The following RNF150 variants were observed in gnomAD, a reference collection of about 807,000 sequenced individuals.
RNF150 encodes the protein ring finger protein 150.
In RNF150, 24 loss-of-function variants were observed where a neutral mutation model predicts 39.3. That is an observed-to-expected ratio of 0.61 (90% confidence interval 0.44 to 0.86). The LOEUF (loss-of-function observed/expected upper bound fraction) is 0.86. Among genes scored for constraint, RNF150 ranks in the 40% least tolerant of loss-of-function variants. RNF150 has a pLI of 0.00. For synonymous variants in RNF150, 255 were observed against 227.3 expected, an observed-to-expected ratio of 1.12 and a Z score of -1.10; for missense variants, 502 against 587.8, an observed-to-expected ratio of 0.85 and a Z score of 1.51.
intron 1 of RNF150, among the ~76,000 whole-genome samples, chr4:141,072,275 T>A (rs1216252136): frequency 2.6e-5 from 4 of 152,196 alleles, no homozygotes; most frequent in Non-Finnish European, 5.9e-5. Flanking sequence ...CACTAACCAA[T>A]CTTCTACCCA....
chr4:141,082,613 G>C lies in RNF150; in HGVS notation c.484+49712C>G, dbSNP rs145117536. Among the ~76,000 whole-genome samples the C allele has an allele frequency of 1.0e-3, 154 of 151,780 alleles. 3 individuals carry two copies. In the East Asian group the frequency reaches 0.022, roughly 22 times the overall value. On this transcript the variant is annotated intron_variant, in intron 1 of 6. Coordinates refer to ENST00000515673, the MANE Select transcript of RNF150 (RefSeq NM_020724.2). ...TATTTTTTATTTTTTTTTTGAGACG[G>C]AGTCTCGCTCTGTCGCCCAGGCTGG...
intron 1 of RNF150, among the ~76,000 whole-genome samples, chr4:141,072,254 A>C (rs1737735774): frequency 6.6e-6 from 1 of 152,192 alleles, no homozygotes; most frequent in African/African-American, 2.4e-5. Flanking sequence ...GAAAGGATGA[A>C]ATTTTGTGAC....
At chr4:140,993,121 A>G (rs1734253991) in intron 1 of RNF150, among the ~76,000 whole-genome samples, 1 of 152,192 alleles carries the variant, frequency 6.6e-6, no homozygotes, top group Non-Finnish European at 1.5e-5. Context: ...CCTGAAAACA[A>G]CACAAAATTA....
At chr4:140,875,541 G>T (rs1044474635) in intron 6 of RNF150, among the ~76,000 whole-genome samples, 4 of 152,038 alleles carry the variant, frequency 2.6e-5, no homozygotes, top group African/African-American at 9.7e-5. Flanking sequence ...GGGGCTGGGG[G>T]ATTAGGCATT....
At chr4:141,184,080 T>C (rs1027106693) in intron 1 of RNF150, among the ~76,000 whole-genome samples, 23 of 152,274 alleles carry the variant, frequency 1.5e-4, no homozygotes, top group South Asian at 1.2e-3. Flanking sequence ...AAGGAATTGC[T>C]ACACTGTCTT....
intron 6 of RNF150, among the ~76,000 whole-genome samples, chr4:140,870,428 T>C (rs184777040): frequency 6.6e-6 from 1 of 151,782 alleles, no homozygotes; most frequent in African/African-American, 2.4e-5. Context: ...TTGCTATATA[T>C]GATCTCCCAT....
intron 1 of RNF150, among the ~76,000 whole-genome samples, chr4:141,078,134 A>T (rs1737968712): frequency 6.6e-6 from 1 of 152,192 alleles, no homozygotes; most frequent in Non-Finnish European, 1.5e-5. Flanking sequence ...TGATGGCATA[A>T]ATTAATTCTC....
chr4:140,968,954 C>T (rs1012070848), intron 1 of RNF150, among the ~76,000 whole-genome samples: 2 of 152,014 alleles, frequency 1.3e-5, no homozygotes, highest in African/African-American at 4.8e-5. Context: ...AGAGGCCTCG[C>T]ATCCACATGG....
intron 1 of RNF150, among the ~76,000 whole-genome samples, chr4:141,076,458 ATTTAACCAGCCACTGTGGG>A (rs2110964944): frequency 6.6e-6 from 1 of 152,196 alleles, no homozygotes; most frequent in South Asian, 2.1e-4. Flanking sequence ...ATATGATCTG[ATTTAACCAGCCACTGTGGG>A]CCTGGCTCCC....
At chr4:141,210,606 G>C (rs1015458664) in intron 1 of RNF150, among the ~76,000 whole-genome samples, 11 of 151,880 alleles carry the variant, frequency 7.2e-5, no homozygotes, top group Admixed American at 3.9e-4. Context: ...TGTATTGGAA[G>C]GGATTTTTTA....
intron 1 of RNF150, among the ~76,000 whole-genome samples, chr4:141,071,478 AG>A (rs1347991428): frequency 6.6e-6 from 1 of 152,076 alleles, no homozygotes; most frequent in East Asian, 1.9e-4. Flanking sequence ...ACAAGAAAAA[AG>A]GAAATAGGAA....
intron 4 of RNF150, among the ~76,000 whole-genome samples, chr4:140,928,286 T>C (rs1359301169): frequency 8.5e-5 from 13 of 152,258 alleles, no homozygotes; most frequent in Admixed American, 5.2e-4. Context: ...CTGGGAGATT[T>C]ATCCTAGTTG....
At chr4:141,163,964 G>T (rs1727557015) in intron 1 of RNF150, among the ~76,000 whole-genome samples, 1 of 152,092 alleles carries the variant, frequency 6.6e-6, no homozygotes, top group African/African-American at 2.4e-5. Context: ...TTGACGAATT[G>T]ACAGCAGTAG....
chr4:140,967,596 A>C, intron 2 of RNF150, 27 bp downstream of exon 2: 3 of 1,562,192 alleles, frequency 1.9e-6, no homozygotes, highest in Non-Finnish European at 2.6e-6. Context: ...ACAATTTTTA[A>C]AAGTTTTTTA....
chr4:140,872,793 T>C (rs928102266), intron 6 of RNF150, among the ~76,000 whole-genome samples: 1 of 152,214 alleles, frequency 6.6e-6, no homozygotes, highest in Admixed American at 6.5e-5. Context: ...GAGTTCAGGT[T>C]TGCATATGCT....
intron 2 of RNF150, among the ~76,000 whole-genome samples, chr4:140,953,810 G>A (rs1732639081): frequency 6.6e-6 from 1 of 152,086 alleles, no homozygotes; most frequent in Admixed American, 6.5e-5. Flanking sequence ...GCAAATTAAA[G>A]AGATAAGTAA....
chr4:141,194,082 A>G (rs976652759), intron 1 of RNF150, among the ~76,000 whole-genome samples: 1 of 152,226 alleles, frequency 6.6e-6, no homozygotes, highest in Non-Finnish European at 1.5e-5. Flanking sequence ...CACATATTGT[A>G]TACGACAAAC....
intron 1 of RNF150, among the ~76,000 whole-genome samples, chr4:140,989,466 A>C (rs988195128): frequency 1.2e-4 from 18 of 152,118 alleles, no homozygotes; most frequent in African/African-American, 4.1e-4. Flanking sequence ...CAAAAAGAAA[A>C]AACTGAGGCC....
chr4:140,959,292 G>T (rs1445767037), intron 2 of RNF150, among the ~76,000 whole-genome samples: 1 of 152,118 alleles, frequency 6.6e-6, no homozygotes. Context: ...CTGGGGGTGT[G>T]ACATTTATGT....
Sources: allele counts gnomAD v4.1 joint callset (sites outside exome capture counted in the v4.1 genomes callset), GRCh38; gene constraint gnomAD v4.1.1; transcripts MANE v1.5; gene names NCBI Gene and HGNC (gene_info 2026-07-23, HGNC 2026-07-21).